Variants in PRKCB observed in about 807,000 individuals in gnomAD.
The protein encoded by PRKCB is protein kinase C beta type.
A neutral mutation model predicts 81.5 loss-of-function variants in PRKCB; 13 were observed. The observed-to-expected ratio is 0.16, with a 90% CI of 0.10 to 0.25. PRKCB has a LOEUF of 0.25. Among genes scored for constraint, PRKCB ranks in the 10% least tolerant of loss-of-function variants. PRKCB has a pLI of 1.00. For missense variants in PRKCB, 509 were observed against 875.7 expected (o/e 0.58, Z 5.29); for synonymous variants, 335 against 321.4 (o/e 1.04, Z -0.45).
At chr16:23,866,858 T>C (rs1466442511) in intron 2 of PRKCB, among the ~76,000 whole-genome samples, 1 of 152,194 alleles carries the variant, frequency 6.6e-6, no homozygotes, top group African/African-American at 2.4e-5. Context: ...TTAACACTTT[T>C]GCCAATCTGA....
intron 3 of PRKCB, among the ~76,000 whole-genome samples, chr16:24,003,540 A>G (rs1965069724): frequency 6.6e-6 from 1 of 152,092 alleles, no homozygotes; most frequent in Non-Finnish European, 1.5e-5. Flanking sequence ...GTGCACCACC[A>G]TACTCAGCTA....
intron 2 of PRKCB, among the ~76,000 whole-genome samples, chr16:23,955,557 C>T (rs1964338978): frequency 6.6e-6 from 1 of 152,090 alleles, no homozygotes; most frequent in Non-Finnish European, 1.5e-5. Context: ...GGGAGGCTGT[C>T]CCCTGGGGGT....
At chr16:24,069,380 T>C (rs777656682) in intron 5 of PRKCB, among the ~76,000 whole-genome samples, 7 of 152,122 alleles carry the variant, frequency 4.6e-5, no homozygotes, top group African/African-American at 1.2e-4. Context: ...GAGTGAGACG[T>C]TGAAGTTTGG....
intron 7 of PRKCB, among the ~76,000 whole-genome samples, chr16:24,108,788 A>G (rs1410569081): frequency 2.0e-5 from 3 of 151,562 alleles, no homozygotes; most frequent in African/African-American, 4.9e-5. Flanking sequence ...CGATTTCTCA[A>G]TCTTTTCCCC....
At chr16:24,076,880 T>TATAG (rs1966184691) in intron 5 of PRKCB, among the ~76,000 whole-genome samples, 1 of 152,190 alleles carries the variant, frequency 6.6e-6, no homozygotes, top group South Asian at 2.1e-4. Flanking sequence ...TGTACCCTTT[T>TATAG]ATAGATGGTC....
At chr16:24,174,674 G>A (rs1967501033) in intron 12 of PRKCB, 94 bp downstream of exon 12, 9 of 1,215,438 alleles carry the variant, frequency 7.4e-6, no homozygotes, top group Admixed American at 4.1e-5. Context: ...ATTAGAATCC[G>A]CGGTGGGGGA....
intron 5 of PRKCB, among the ~76,000 whole-genome samples, chr16:24,059,501 A>G (rs1965945584): frequency 6.6e-6 from 1 of 151,760 alleles, no homozygotes; most frequent in Non-Finnish European, 1.5e-5. Flanking sequence ...CTACAAAAAA[A>G]AATTTTTTTT....
chr16:24,051,750 A>T (rs553093111), intron 5 of PRKCB, among the ~76,000 whole-genome samples: 11 of 152,308 alleles, frequency 7.2e-5, no homozygotes, highest in African/African-American at 2.6e-4. Flanking sequence ...ATGGTAGTGC[A>T]GCATGCCTGT....
chr16:24,187,739 A>C (rs1420893899), intron 15 of PRKCB, among the ~76,000 whole-genome samples: 1 of 151,956 alleles, frequency 6.6e-6, no homozygotes, highest in African/African-American at 2.4e-5. Flanking sequence ...AGTGCCGTGG[A>C]GTGATCATGG....
At chr16:24,093,556 G>A (rs1363398146) in intron 6 of PRKCB, among the ~76,000 whole-genome samples, 1 of 152,198 alleles carries the variant, frequency 6.6e-6, no homozygotes, top group Non-Finnish European at 1.5e-5. Context: ...GGCTTATAGA[G>A]GTTAAAGAGT....
At chr16:23,945,307 G>C (rs2141772183) in intron 2 of PRKCB, among the ~76,000 whole-genome samples, 1 of 152,334 alleles carries the variant, frequency 6.6e-6, no homozygotes, top group African/African-American at 2.4e-5. Context: ...CTATTGTCAG[G>C]AGGTAATTTA....
intron 16 of PRKCB, among the ~76,000 whole-genome samples, chr16:24,202,026 A>G (rs1471539377): frequency 7.0e-6 from 1 of 142,246 alleles, no homozygotes; most frequent in Non-Finnish European, 1.5e-5. Context: ...AAAGAGCGAG[A>G]CTCCGTCTCA....
chr16:23,856,009 A>C (rs145139266), intron 2 of PRKCB, among the ~76,000 whole-genome samples: 1 of 152,112 alleles, frequency 6.6e-6, no homozygotes, highest in Non-Finnish European at 1.5e-5. Context: ...GCGTGCTTCT[A>C]TGTCTTTCTT....
intron 5 of PRKCB, among the ~76,000 whole-genome samples, chr16:24,046,236 A>G (rs887745553): frequency 1.3e-5 from 2 of 152,196 alleles, no homozygotes; most frequent in East Asian, 1.9e-4. Context: ...AATGTGGTCT[A>G]TGATTACAAA....
At chr16:24,065,566 A>G (rs1193977981) in intron 5 of PRKCB, among the ~76,000 whole-genome samples, 1 of 152,158 alleles carries the variant, frequency 6.6e-6, no homozygotes, top group African/African-American at 2.4e-5. Flanking sequence ...TATAATCAGC[A>G]TTTACTTGGA....
chr16:23,957,615 G>A (rs916286895), intron 2 of PRKCB, among the ~76,000 whole-genome samples: 2 of 152,038 alleles, frequency 1.3e-5, no homozygotes, highest in African/African-American at 4.8e-5. Flanking sequence ...TGAGTCTCTC[G>A]TCTGTTCCTG....
intron 3 of PRKCB, among the ~76,000 whole-genome samples, chr16:24,021,056 T>TTCTCTTTCTTTCTTTCTTTCCCTCCC (rs1965368173): frequency 2.5e-4 from 12 of 47,194 alleles, no homozygotes; most frequent in Non-Finnish European, 2.9e-4. Context: ...CTTTCTTTCT[T>TTCTCTTTCTTTCTTTCTTTCCCTCCC]TCCCTCCCTC....
At chr16:24,095,750 C>T (rs181471648) in intron 7 of PRKCB, among the ~76,000 whole-genome samples, 93 of 151,914 alleles carry the variant, frequency 6.1e-4, no homozygotes, top group Non-Finnish European at 4.4e-4. Flanking sequence ...GCGGTCTGGT[C>T]GGGGTGGAGC....
intron 2 of PRKCB, among the ~76,000 whole-genome samples, chr16:23,912,874 G>T (rs1187953021): frequency 2.7e-5 from 4 of 150,316 alleles, no homozygotes; most frequent in Admixed American, 6.7e-5. Flanking sequence ...GCCTAGGCTG[G>T]AGTGCAGTGG....
Sources: allele counts gnomAD v4.1 joint callset (sites outside exome capture counted in the v4.1 genomes callset), GRCh38; gene constraint gnomAD v4.1.1; transcripts MANE v1.5; gene names NCBI Gene and HGNC (gene_info 2026-07-23, HGNC 2026-07-21).